XDH: variants seen among roughly 807,000 people sequenced by gnomAD.
XDH encodes the protein xanthine dehydrogenase.
XDH carries 138 observed loss-of-function variants against 156.1 expected under a neutral mutation model. The observed-to-expected ratio is 0.88, with a 90% CI of 0.77 to 1.02. The LOEUF (loss-of-function observed/expected upper bound fraction) is 1.02, where lower values mean the gene tolerates loss of function less well. Among genes scored for constraint, XDH ranks in the 50% least tolerant of loss-of-function variants. The probability of loss-of-function intolerance (pLI) is 0.00; values close to 1 mark genes in which losing one functional copy is unlikely to be tolerated. For missense variants in XDH, 1,849 were observed against 1,684.9 expected (o/e 1.10, Z -1.71); for synonymous variants, 669 against 625.7 (o/e 1.07, Z -1.03).
intron 31 of XDH, among the ~76,000 whole-genome samples, chr2:31,342,792 C>A (rs1232317557): frequency 6.6e-6 from 1 of 152,114 alleles, no homozygotes; most frequent in Non-Finnish European, 1.5e-5. Flanking sequence ...TTTAAGCGGC[C>A]ACTCCCCACC....
At chr2:31,339,799 C>G (rs914561977) in intron 33 of XDH, 122 bp from the exon 34 acceptor site, 1 of 1,272,306 alleles carries the variant, frequency 7.9e-7, no homozygotes, top group South Asian at 1.3e-5. Context: ...TAAAACTGCC[C>G]TCTATTGCTT....
intron 6 of XDH, chr2:31,389,758 G>T (rs1444002352): frequency 3.3e-5 from 5 of 152,108 alleles, no homozygotes; most frequent in South Asian, 2.1e-4. Context: ...GTCTATTGAG[G>T]TTGGATAAGA....
In XDH at chr2:31,390,919, C is replaced by G. The variant is rs907947690; in HGVS notation, c.496-2624G>C. Among the ~76,000 whole-genome samples the G allele has an allele frequency of 2.6e-5, 4 of 152,258 alleles. No individual in the cohort carries two copies. The South Asian group carries it at 8.3e-4, about 32-fold the overall frequency. ...TGGATAAGTACTTTACAAGATGTGT[C>G]TTTTGCAAATATTTTTCTCCCAGTG... On this transcript the variant is annotated intron_variant, in intron 6 of 35. Coordinates refer to ENST00000379416, the MANE Select transcript of XDH (RefSeq NM_000379.4).
intron 1 of XDH, among the ~76,000 whole-genome samples, chr2:31,408,257 T>C (rs1215108646): frequency 6.6e-6 from 1 of 152,232 alleles, no homozygotes; most frequent in Non-Finnish European, 1.5e-5. Context: ...CCACCTGCAT[T>C]TTGACTTATC....
At chr2:31,375,916 C>T (rs576950630) in intron 14 of XDH, among the ~76,000 whole-genome samples, 7 of 152,256 alleles carry the variant, frequency 4.6e-5, no homozygotes, top group African/African-American at 9.6e-5. Context: ...CTGAGGCACA[C>T]GGAGATTAAG....
At chr2:31,340,657 A>G (rs1685101749) in intron 33 of XDH, among the ~76,000 whole-genome samples, 1 of 151,980 alleles carries the variant, frequency 6.6e-6, no homozygotes, top group Admixed American at 6.6e-5. Flanking sequence ...TTTAATAGAG[A>G]CGGAGTTTCG....
intron 24 of XDH, among the ~76,000 whole-genome samples, chr2:31,351,829 T>C (rs557373669): frequency 2.0e-5 from 3 of 152,388 alleles, no homozygotes; most frequent in Non-Finnish European, 2.9e-5. Flanking sequence ...GGCATTTTAC[T>C]AGTACATTCT....
chr2:31,379,379 G>T (rs1473226523), intron 13 of XDH, among the ~76,000 whole-genome samples: 2 of 152,192 alleles, frequency 1.3e-5, no homozygotes, highest in Non-Finnish European at 2.9e-5. Flanking sequence ...TGCAGCACAT[G>T]AACCCCACAT....
At chr2:31,382,100 G>T (rs1469352246) in intron 11 of XDH, among the ~76,000 whole-genome samples, 1 of 152,166 alleles carries the variant, frequency 6.6e-6, no homozygotes, top group Non-Finnish European at 1.5e-5. Context: ...AAGACTTAAG[G>T]TTGAACAATT....
intron 31 of XDH, among the ~76,000 whole-genome samples, chr2:31,342,566 C>T (rs528389807): frequency 3.9e-5 from 6 of 152,266 alleles, no homozygotes; most frequent in African/African-American, 1.4e-4. Flanking sequence ...ACCATGCTAG[C>T]CTCTGCACAG....
At position 31,344,743 on chromosome 2, in the gene XDH, A is replaced by G; in HGVS notation, c.3352-7T>C. 6.2e-7 allele frequency: 1 copy of G among 1,614,148 alleles called. No homozygotes were observed. The highest frequency in any genetic ancestry group is 2.2e-5 in the East Asian group (1 of 44,878). On this transcript the variant is annotated splice_region_variant and splice_polypyrimidine_tract_variant and intron_variant, in intron 30 of 35. Transcript: ENST00000379416. ...CCATGTAGGCAGCTGTGACCTGAGG[A>G]GAGGAGATGGCCATCAGGCAGGTGA...
intron 22 of XDH, 120 bp downstream of exon 22, chr2:31,365,856 G>A: frequency 6.6e-7 from 1 of 1,518,386 alleles, no homozygotes. Flanking sequence ...AGAGGGCTGT[G>A]AGAATTCAAA....
intron 17 of XDH, among the ~76,000 whole-genome samples, chr2:31,371,141 A>G (rs2148771245): frequency 2.0e-5 from 3 of 152,352 alleles, no homozygotes; most frequent in African/African-American, 7.2e-5. Flanking sequence ...CAAAGGGAGA[A>G]TGCCCGACTA....
intron 24 of XDH, among the ~76,000 whole-genome samples, chr2:31,350,450 CACTGCAAACTCCT>C (rs1203691151): frequency 1.4e-5 from 2 of 143,016 alleles, no homozygotes; most frequent in African/African-American, 5.3e-5. Context: ...GATCTTGGCT[CACTGCAAACTCCT>C]ACTCCCTGGT....
intron 13 of XDH, among the ~76,000 whole-genome samples, chr2:31,378,117 A>C (rs1686312877): frequency 2.7e-5 from 1 of 36,478 alleles, no homozygotes; most frequent in Non-Finnish European, 5.7e-5. Flanking sequence ...AAAGGAAGGA[A>C]GGAAGGAAGG....
intron 22 of XDH, 83 bp downstream of exon 22, chr2:31,365,893 G>T (rs1293973897): frequency 2.7e-5 from 43 of 1,602,778 alleles, no homozygotes; most frequent in East Asian, 8.9e-5. Flanking sequence ...TCTAACAGGG[G>T]GAAGTCCTGA....
chr2:31,337,165 G>A (rs1324802373), intron 35 of XDH, among the ~76,000 whole-genome samples: 1 of 152,030 alleles, frequency 6.6e-6, no homozygotes, highest in Non-Finnish European at 1.5e-5. Context: ...ACATCTATGT[G>A]TCCCCAGTAT....
chr2:31,383,548 G>A (rs889075701), intron 10 of XDH, among the ~76,000 whole-genome samples: 8 of 148,804 alleles, frequency 5.4e-5, no homozygotes, highest in Non-Finnish European at 1.0e-4. Flanking sequence ...TGAAGATCCC[G>A]CAGCCTCTTG....
At chr2:31,407,584 A>T (rs1314597254) in intron 1 of XDH, among the ~76,000 whole-genome samples, 1 of 152,142 alleles carries the variant, frequency 6.6e-6, no homozygotes, top group Non-Finnish European at 1.5e-5. Context: ...GCCCTTGAAG[A>T]TCCTTGAAAG....
Sources: allele counts gnomAD v4.1 joint callset (sites outside exome capture counted in the v4.1 genomes callset), GRCh38; gene constraint gnomAD v4.1.1; transcripts MANE v1.5; gene names NCBI Gene and HGNC (gene_info 2026-07-23, HGNC 2026-07-21).